The following JPH1 variants were observed in gnomAD, a reference collection of about 807,000 sequenced individuals.
JPH1 encodes junctophilin-1.
A neutral mutation model predicts 53.6 loss-of-function variants in JPH1; 12 were observed. The ratio of observed to expected loss-of-function variants is 0.22; its 90% confidence interval spans 0.14 to 0.36. The LOEUF (loss-of-function observed/expected upper bound fraction) is 0.36. Among genes scored for constraint, JPH1 ranks in the 10% least tolerant of loss-of-function variants. The probability of loss-of-function intolerance (pLI) is 1.00; values close to 1 mark genes in which losing one functional copy is unlikely to be tolerated. For synonymous variants in JPH1, 375 were observed against 363.8 expected, an observed-to-expected ratio of 1.03 and a Z score of -0.35; for missense variants, 808 against 905.5, an observed-to-expected ratio of 0.89 and a Z score of 1.38.
intron 2 of JPH1, among the ~76,000 whole-genome samples, chr8:74,302,198 C>A (rs191590531): frequency 1.6e-3 from 251 of 152,326 alleles, no homozygotes; most frequent in African/African-American, 5.8e-3. Flanking sequence ...ACAATGTGCA[C>A]CAGTGCATAA....
At chr8:74,289,025 C>T (rs1206862147) in intron 2 of JPH1, among the ~76,000 whole-genome samples, 3 of 152,148 alleles carry the variant, frequency 2.0e-5, no homozygotes. Context: ...AATATGGGCT[C>T]ACCCATCTGT....
chr8:74,257,979 A>G (rs1278640269), intron 3 of JPH1, among the ~76,000 whole-genome samples: 2 of 151,986 alleles, frequency 1.3e-5, no homozygotes, highest in Admixed American at 6.5e-5. Context: ...TCCTGCCCCC[A>G]TTCTCCAGGT....
intron 2 of JPH1, among the ~76,000 whole-genome samples, chr8:74,266,801 C>T (rs1368837812): frequency 1.3e-5 from 2 of 152,120 alleles, no homozygotes; most frequent in East Asian, 1.9e-4. Context: ...CTGGGCTCTC[C>T]GTTGAGAAGT....
chr8:74,272,490 C>T (rs939038121), intron 2 of JPH1, among the ~76,000 whole-genome samples: 4 of 151,590 alleles, frequency 2.6e-5, no homozygotes, highest in Admixed American at 6.6e-5. Context: ...TTCTCTGTAA[C>T]GCTTTTCCGA....
intron 2 of JPH1, among the ~76,000 whole-genome samples, chr8:74,265,732 G>T (rs1409736351): frequency 1.3e-5 from 2 of 152,092 alleles, no homozygotes; most frequent in African/African-American, 2.4e-5. Flanking sequence ...CTGATAAGGG[G>T]TTAGTATCTA....
At chr8:74,252,169 A>G (rs1417390585) in intron 3 of JPH1, among the ~76,000 whole-genome samples, 2 of 152,186 alleles carry the variant, frequency 1.3e-5, no homozygotes, top group South Asian at 2.1e-4. Flanking sequence ...ACAAAAATTA[A>G]TTCAAGATGG....
Position 74,274,624 on chromosome 8 carries a change from C to T in JPH1, c.1140-15121G>A, listed in dbSNP as rs750986021. Among the ~76,000 whole-genome samples, 216 of 151,962 alleles carry T rather than the reference C, an allele frequency of 1.4e-3. 2 individuals are homozygous for T. Among genetic ancestry groups the T allele is most frequent in the Admixed American group, 7.9e-4 (12 of 15,266 alleles). ...CTTACCTGGAGTTATACTGTTGCTT[C>T]GAGAAGAAAAATAGGTCAGAAATGC... is the stretch of plus-strand genomic sequence containing the variant. On this transcript the variant is annotated intron_variant, in intron 2 of 5. Coordinates refer to ENST00000342232, the MANE Select transcript of JPH1 (RefSeq NM_020647.4).
chr8:74,263,231 G>C (rs1319731703), intron 2 of JPH1, among the ~76,000 whole-genome samples: 3 of 152,142 alleles, frequency 2.0e-5, no homozygotes, highest in African/African-American at 7.2e-5. Flanking sequence ...GTCTGCTAAA[G>C]GTGAAGCGCT....
chr8:74,299,851 A>G (rs1360276832), intron 2 of JPH1, among the ~76,000 whole-genome samples: 1 of 152,216 alleles, frequency 6.6e-6, no homozygotes, highest in African/African-American at 2.4e-5. Flanking sequence ...AACTGTTACA[A>G]ATATAGCAAC....
chr8:74,237,404 C>T, intron 4 of JPH1, 101 bp from the exon 5 acceptor site: 1 of 924,120 alleles, frequency 1.1e-6, no homozygotes, highest in Non-Finnish European at 1.7e-6. Context: ...AACATGATTG[C>T]AGTAAATAAG....
In JPH1 at chr8:74,237,042, G is replaced by C. The variant is rs898090587; in HGVS notation, c.*16-7C>G. Reference sequence around the variant, plus strand: ...ACTAGTTGTCAGGACTTCACTGAAGGGTCAAAACAGTTATAGCAATTAAGT... The same window carrying C: ...ACTAGTTGTCAGGACTTCACTGAAGCGTCAAAACAGTTATAGCAATTAAGT... On this transcript the variant is annotated splice_polypyrimidine_tract_variant and splice_region_variant and intron_variant, in intron 5 of 5. Transcript: ENST00000342232. The C allele has an allele frequency of 1.7e-6, 1 of 586,950 alleles. No individual in the cohort carries two copies. The highest frequency in any genetic ancestry group is 3.1e-6 in the Non-Finnish European group (1 of 327,318). The allele number at this position is 586,950 out of a possible 1,614,324, so 36.4% of individuals were successfully genotyped here.
intron 2 of JPH1, among the ~76,000 whole-genome samples, chr8:74,276,408 G>A (rs1164081606): frequency 2.0e-5 from 3 of 152,104 alleles, no homozygotes. Flanking sequence ...GCCTCTATGT[G>A]GCAGTAACAG....
intron 2 of JPH1, among the ~76,000 whole-genome samples, chr8:74,262,849 A>C (rs368446817): frequency 6.6e-6 from 1 of 152,234 alleles, no homozygotes; most frequent in Non-Finnish European, 1.5e-5. Flanking sequence ...GCGGAGGTCA[A>C]CTGTGACCAG....
chr8:74,305,389 G>A (rs1015884679), intron 2 of JPH1, among the ~76,000 whole-genome samples: 7 of 152,210 alleles, frequency 4.6e-5, no homozygotes, highest in Admixed American at 3.3e-4. Flanking sequence ...CTCATACAAA[G>A]CATACAGGAT....
intron 2 of JPH1, among the ~76,000 whole-genome samples, chr8:74,303,896 C>T (rs1015326423): frequency 6.6e-6 from 1 of 152,156 alleles, no homozygotes; most frequent in Non-Finnish European, 1.5e-5. Context: ...GGGATAATGT[C>T]CAAACTCCCT....
At chr8:74,258,869 G>T (rs972913656) in intron 3 of JPH1, among the ~76,000 whole-genome samples, 1 of 152,174 alleles carries the variant, frequency 6.6e-6, no homozygotes, top group Non-Finnish European at 1.5e-5. Flanking sequence ...CATCTCCAGG[G>T]CTAACACTCA....
chr8:74,253,428 C>T (rs997218118), intron 3 of JPH1, among the ~76,000 whole-genome samples: 1 of 151,958 alleles, frequency 6.6e-6, no homozygotes, highest in African/African-American at 2.4e-5. Context: ...TAAATGCCCA[C>T]AAGAGAAAGC....
chr8:74,298,136 A>G (rs16938856), intron 2 of JPH1, among the ~76,000 whole-genome samples: 14,057 of 152,202 alleles, frequency 0.092, 801 homozygotes, highest in East Asian at 0.19. Flanking sequence ...CTAAGTGCTC[A>G]AGGCTTCAAA....
rs1166724962 is a variant in JPH1 at position 74,315,376 on chromosome 8, C to A, written c.624G>T (p.Lys208Asn). The A allele has an allele frequency of 6.2e-7, 1 of 1,612,712 alleles. No individual in the cohort carries two copies. The change falls in exon 2 of 6, where the codon AAG (lysine) becomes AAT (asparagine). Residue 208 changes from lysine (K) to asparagine (N), a missense_variant. Around this residue, in one of 2 missense-constraint regions of JPH1, gnomAD observed 756 missense variants for 811.9 expected, o/e 0.93. Transcript: ENST00000342232. The surrounding 1 kb of genome is among the most constrained non-coding windows in gnomAD (Gnocchi z 6.3). ...HADAELAGKK[K>N]GGLFRRGSLL... is the part of the protein sequence containing the mutation. ...GGGAGCCCCTCCGGAAGAGGCCGCC[C>A]TTCTTCTTGCCCGCTAGCTCAGCGT...
Sources: allele counts gnomAD v4.1 joint callset (sites outside exome capture counted in the v4.1 genomes callset), GRCh38; gene constraint gnomAD v4.1.1; regional missense constraint gnomAD v4.1.1; non-coding constraint Gnocchi (gnomAD v3.1); transcripts MANE v1.5; gene names NCBI Gene and HGNC (gene_info 2026-07-23, HGNC 2026-07-21).